Variants in TJP1 observed in about 807,000 individuals in gnomAD.
The protein encoded by TJP1 is tight junction protein ZO-1.
TJP1 carries 43 observed loss-of-function variants against 194.2 expected under a neutral mutation model. The ratio of observed to expected loss-of-function variants is 0.22; its 90% CI spans 0.17 to 0.29. The LOEUF is 0.29. TJP1 is among the 10% of genes least tolerant of loss of function. The pLI is 1.00. For missense variants in TJP1, 1,971 were observed against 2,185.7 expected (o/e 0.90, Z 1.96); for synonymous variants, 801 against 779.0 (o/e 1.03, Z -0.47).
intron 2 of TJP1, among the ~76,000 whole-genome samples, chr15:29,937,213 C>G (rs1367965849): frequency 2.6e-5 from 4 of 152,048 alleles, no homozygotes; most frequent in Non-Finnish European, 4.4e-5. Flanking sequence ...TTTGTAAAAC[C>G]ATTCAATCAG....
chr15:29,915,062 A>G (rs1263067403), intron 2 of TJP1, among the ~76,000 whole-genome samples: 2 of 152,240 alleles, frequency 1.3e-5, no homozygotes, highest in East Asian at 3.9e-4. Context: ...GCTAAAAAAA[A>G]TGCTGCCAAA....
At chr15:29,916,104 G>A (rs2054175567) in intron 2 of TJP1, among the ~76,000 whole-genome samples, 1 of 151,954 alleles carries the variant, frequency 6.6e-6, no homozygotes, top group Non-Finnish European at 1.5e-5. Flanking sequence ...AATTAGCCGG[G>A]CGTGGTGGCA....
chr15:29,718,860 A>G lies in TJP1; in HGVS notation c.3282T>C (p.Tyr1094=). The change falls in exon 21 of 28, where the codon TAT becomes TAC. Residue 1094 remains tyrosine (Y), a synonymous_variant. Coordinates refer to ENST00000614355, the MANE Select transcript of TJP1 (RefSeq NM_001330239.4). ...VPMYEEQWSY[Y]DDKQPYPSRP... The stretch of plus-strand genomic sequence containing the variant: ...GAGATGGGTAGGGCTGTTTGTCATC[A>G]TAATATGACCACTGTTCTTCATACA... The G allele has an allele frequency of 6.2e-7, 1 of 1,614,218 alleles. No homozygotes were observed. The highest frequency in any genetic ancestry group is 1.1e-5 in the South Asian group (1 of 91,080).
intron 2 of TJP1, among the ~76,000 whole-genome samples, chr15:29,781,233 T>C (rs2047351506): frequency 6.6e-6 from 1 of 152,046 alleles, no homozygotes; most frequent in Non-Finnish European, 1.5e-5. Flanking sequence ...AAGAAACTGA[T>C]AAATTCCTGG....
intron 2 of TJP1, among the ~76,000 whole-genome samples, chr15:29,908,930 G>A (rs951594300): frequency 1.3e-4 from 20 of 152,042 alleles, no homozygotes; most frequent in Admixed American, 3.3e-4. Flanking sequence ...CAAGGCGGGC[G>A]GATCACGAGA....
chr15:29,860,409 C>A (rs138060072), intron 2 of TJP1, among the ~76,000 whole-genome samples: 2 of 152,104 alleles, frequency 1.3e-5, no homozygotes, highest in African/African-American at 4.8e-5. Context: ...GAAGACACTT[C>A]GCCCTTGCCC....
At position 29,704,322 on chromosome 15, in the gene TJP1, G is replaced by GGATA. The variant is rs759250913; in HGVS notation, c.5069-21_5069-18dup. 4 of 1,577,328 alleles carry GGATA rather than the reference G, an allele frequency of 2.5e-6. No homozygotes were observed. Among genetic ancestry groups the GGATA allele is most frequent in the Middle Eastern group, 3.3e-4 (2 of 6,010 alleles). ...GTGTTTCACCTGGAGTTGGAAAAGGGGATAGGCAGAGAGGATGGATGTGGT... is the reference window on the plus strand; with the variant it reads ...GTGTTTCACCTGGAGTTGGAAAAGGGGATAGATAGGCAGAGAGGATGGATGTGGT... On this transcript the variant is annotated splice_polypyrimidine_tract_variant and intron_variant, in intron 26 of 27. Coordinates refer to ENST00000614355, the MANE Select transcript of TJP1 (RefSeq NM_001330239.4).
intron 2 of TJP1, among the ~76,000 whole-genome samples, chr15:29,835,978 T>A (rs935058125): frequency 2.6e-5 from 4 of 152,158 alleles, no homozygotes; most frequent in South Asian, 4.1e-4. Flanking sequence ...TCTTTTAAAA[T>A]TTTTCCAGTT....
intron 4 of TJP1, among the ~76,000 whole-genome samples, chr15:29,770,792 TA>T (rs964551385): frequency 6.6e-6 from 1 of 151,956 alleles, no homozygotes; most frequent in Non-Finnish European, 1.5e-5. Context: ...GTTTATAGGT[TA>T]AAAAAGTTTC....
chr15:29,717,568 GAAC>G (rs1442770492), intron 22 of TJP1, among the ~76,000 whole-genome samples: 2 of 152,134 alleles, frequency 1.3e-5, no homozygotes, highest in African/African-American at 2.4e-5. Flanking sequence ...CTACAATGCA[GAAC>G]AACAACAGTG....
chr15:29,768,693 G>C (rs946117259), intron 4 of TJP1, among the ~76,000 whole-genome samples: 10 of 152,032 alleles, frequency 6.6e-5, no homozygotes, highest in Admixed American at 2.6e-4. Context: ...GCATCTAGTA[G>C]GTGCTTAACT....
At position 29,718,404 on chromosome 15, in the gene TJP1, T is replaced by C; in HGVS notation, c.3738A>G (p.Pro1246=). Residue 1246 remains proline, a synonymous_variant, in exon 21 of 28, where the codon CCA becomes CCG. Coordinates refer to ENST00000614355, the MANE Select transcript of TJP1 (RefSeq NM_001330239.4). ...CCTCTTCTTCGGTTTGAGTTGGGGGTGGAGGCAGTGGTTTGGTGTTTGAAG... is the reference window on the plus strand; with the variant it reads ...CCTCTTCTTCGGTTTGAGTTGGGGGCGGAGGCAGTGGTTTGGTGTTTGAAG... The part of the protein sequence containing the change: ...ALPSNTKPLP[P]PPTQTEEEED... The C allele has an allele frequency of 6.2e-7, 1 of 1,613,818 alleles. No homozygotes were observed.
In TJP1 at chr15:29,800,626, T is replaced by C; in HGVS notation, c.84+20A>G. ...GTATCCTGAGTTATACACAGATTACTTACTGCAACACAAACTTACCCTGTG... is the reference window on the plus strand; with the variant it reads ...GTATCCTGAGTTATACACAGATTACCTACTGCAACACAAACTTACCCTGTG... On this transcript the variant is annotated intron_variant, in intron 2 of 27. Transcript: ENST00000614355. 1 of 1,613,462 alleles carries C rather than the reference T, an allele frequency of 6.2e-7. No homozygotes were observed. Among genetic ancestry groups the C allele is most frequent in the Non-Finnish European group, 8.5e-7 (1 of 1,179,570 alleles).
intron 2 of TJP1, among the ~76,000 whole-genome samples, chr15:29,784,628 T>G (rs2047581500): frequency 6.6e-6 from 1 of 152,060 alleles, no homozygotes; most frequent in African/African-American, 2.4e-5. Flanking sequence ...TCAACACAAC[T>G]GACCTTCAAG....
chr15:29,788,071 G>A (rs1442468973), intron 2 of TJP1, among the ~76,000 whole-genome samples: 1 of 152,104 alleles, frequency 6.6e-6, no homozygotes, highest in Non-Finnish European at 1.5e-5. Context: ...TAATGATACT[G>A]AACATCTTTT....
At chr15:29,713,778 TA>T (rs1042240872) in intron 23 of TJP1, among the ~76,000 whole-genome samples, 2 of 152,202 alleles carry the variant, frequency 1.3e-5, no homozygotes, top group Admixed American at 1.3e-4. Context: ...CTCTAACCAT[TA>T]AATACCTATA....
chr15:29,916,875 CAT>C (rs2152239525), intron 2 of TJP1, among the ~76,000 whole-genome samples: 1 of 152,276 alleles, frequency 6.6e-6, no homozygotes, highest in South Asian at 2.1e-4. Flanking sequence ...GCTGTGACAT[CAT>C]AGAGCCATTT....
chr15:29,769,601 A>G (rs1382003053), intron 4 of TJP1, among the ~76,000 whole-genome samples: 2 of 152,154 alleles, frequency 1.3e-5, no homozygotes, highest in Non-Finnish European at 2.9e-5. Flanking sequence ...GTGGATACCT[A>G]CACAGTCATG....
At chr15:29,791,270 G>A (rs1426902619) in intron 2 of TJP1, among the ~76,000 whole-genome samples, 1 of 151,770 alleles carries the variant, frequency 6.6e-6, no homozygotes, top group Non-Finnish European at 1.5e-5. Context: ...CAGGTGATCC[G>A]CTCACCTTGC....
Sources: gnomAD v4.1 joint callset for allele counts (sites outside exome capture counted in the v4.1 genomes callset) on GRCh38, gnomAD v4.1.1 for gene constraint, MANE v1.5 for transcripts, NCBI Gene and HGNC (gene_info 2026-07-23, HGNC 2026-07-21) for gene names.